The following NELFCD variants were observed in gnomAD, a reference collection of about 807,000 sequenced individuals.
NELFCD encodes negative elongation factor complex member C/D.
A neutral mutation model predicts 72.9 loss-of-function variants in NELFCD; 48 were observed. That is an observed-to-expected ratio of 0.66 (90% CI 0.52 to 0.84). The LOEUF is 0.84. Among genes scored for constraint, NELFCD ranks in the 40% least tolerant of loss-of-function variants. The pLI is 0.00. For synonymous variants in NELFCD, 297 were observed against 280.6 expected, an observed-to-expected ratio of 1.06 and a Z score of -0.59; for missense variants, 538 against 723.8, an observed-to-expected ratio of 0.74 and a Z score of 2.94.
At chr20:58,988,734 C>T (rs553484120) in intron 4 of NELFCD, among the ~76,000 whole-genome samples, 180 bp from the exon 5 acceptor site, 1 of 152,296 alleles carries the variant, frequency 6.6e-6, no homozygotes, top group African/African-American at 2.4e-5. Context: ...CATCTAGGGA[C>T]CTTTCTGTCA....
chr20:58,987,887 A>AGC, intron 4 of NELFCD, 70 bp downstream of exon 4: 1 of 1,132,598 alleles, frequency 8.8e-7, no homozygotes. Flanking sequence ...TGTACAGTGG[A>AGC]GCGTGGCATA....
At position 58,989,833 on chromosome 20, in the gene NELFCD, C is replaced by T. The variant is rs765558453; in HGVS notation, c.658-25C>T. On this transcript the variant is annotated intron_variant, in intron 6 of 14. Coordinates refer to ENST00000652272, the MANE Select transcript of NELFCD (RefSeq NM_198976.4). ...TCTGTGCTACAGTAGTAAACCCTGC[C>T]CCCTCTCTCCCTGCAATCTTGCAGA... 1.9e-6 allele frequency: 3 copies of T among 1,613,892 alleles called. No homozygotes were observed. In the East Asian group the frequency reaches 6.7e-5, roughly 36 times the overall value.
At chr20:58,984,078 C>T (rs563351131) in intron 1 of NELFCD, among the ~76,000 whole-genome samples, 35 of 152,180 alleles carry the variant, frequency 2.3e-4, no homozygotes, top group African/African-American at 7.7e-4. Context: ...AAATTCTGTT[C>T]GCCTGATGCC....
chr20:58,982,071 T>C (rs906604854), intron 1 of NELFCD, among the ~76,000 whole-genome samples: 6 of 150,184 alleles, frequency 4.0e-5, no homozygotes, highest in Non-Finnish European at 8.8e-5. Flanking sequence ...ATGATTGAAA[T>C]GTAGCTTCTC....
At chr20:58,991,124 G>C in intron 8 of NELFCD, 49 bp downstream of exon 8, 2 of 1,598,800 alleles carry the variant, frequency 1.3e-6, no homozygotes, top group South Asian at 2.2e-5. Context: ...AGGTGACTTT[G>C]GAAAGTCTGT....
intron 4 of NELFCD, chr20:58,988,072 C>A (rs377294432): frequency 4.2e-6 from 2 of 470,916 alleles, no homozygotes; most frequent in East Asian, 3.9e-5. Context: ...TTTCCCCTCT[C>A]AGGCTGACTC....
In NELFCD at chr20:58,993,285, T is replaced by G; in HGVS notation, c.1345-164T>G. 1 of 820,288 alleles carries G rather than the reference T, an allele frequency of 1.2e-6. No individual in the cohort carries two copies. The highest frequency in any genetic ancestry group is 1.7e-5 in the South Asian group (1 of 57,182). 50.8% of individuals were successfully genotyped at this position (820,288 alleles called of 1,614,324 possible). A position where few individuals can be genotyped will look rare whatever the true frequency, so the allele number is the denominator to read the frequency against. On this transcript the variant is annotated intron_variant, in intron 11 of 14. Coordinates refer to ENST00000652272, the MANE Select transcript of NELFCD (RefSeq NM_198976.4). This position sits in a 1 kb window ranked among gnomAD's most constrained non-coding sequence, Gnocchi z 5.0. The stretch of plus-strand genomic sequence containing the variant: ...CCTAGCTTCATTGACTGCAGAAATT[T>G]CTTAACCTCAGTCAAGTGTTACTGG...
Position 58,986,485 on chromosome 20 carries a change from G to A in NELFCD, c.177-269G>A, listed in dbSNP as rs529009516. ...GCCTTGCAAGGTGGCCACCACAGGC[G>A]TCTGCCATCATGCCTGGCTATTTTT... On this transcript the variant is annotated intron_variant, in intron 2 of 14. Coordinates refer to ENST00000652272, the MANE Select transcript of NELFCD (RefSeq NM_198976.4). This position sits in a 1 kb window ranked among gnomAD's most constrained non-coding sequence, Gnocchi z 4.4. The A allele has an allele frequency of 7.6e-5, 42 of 555,042 alleles. No individual in the cohort carries two copies. Among genetic ancestry groups the A allele is most frequent in the Non-Finnish European group, 9.8e-5 (31 of 317,146 alleles). 34.4% of individuals were successfully genotyped at this position (555,042 alleles called of 1,614,324 possible).
rs1026408170 is a variant in NELFCD, at chr20:58,991,170, C to G, written c.954+95C>G. 2.5e-4 allele frequency: 390 copies of G among 1,546,534 alleles called. 1 individual carries two copies. Among genetic ancestry groups the G allele is most frequent in the Non-Finnish European group, 7.0e-5 (79 of 1,129,224 alleles). On this transcript the variant is annotated intron_variant, in intron 8 of 14. Coordinates refer to ENST00000652272, the MANE Select transcript of NELFCD (RefSeq NM_198976.4). ...TTGTCTGAAGGCTGTGAATGCAAAT[C>G]CATCATTGTCCTGGTCCTTCCTCAG...
Position 58,990,939 on chromosome 20 carries a change from C to T in NELFCD, c.818C>T (p.Ala273Val). The T allele has an allele frequency of 6.2e-7, 1 of 1,614,176 alleles. No individual in the cohort carries two copies. The highest frequency in any genetic ancestry group is 8.5e-7 in the Non-Finnish European group (1 of 1,180,020). The change falls in exon 8 of 15, where the codon GCC (alanine) becomes GTC (valine). Residue 273 changes from alanine (A) to valine (V), a missense_variant. Ala to Val is a moderately conservative substitution (Grantham distance 64). Coordinates refer to ENST00000652272, the MANE Select transcript of NELFCD (RefSeq NM_198976.4). ...CATGACGCCAGTCAGATCACACTAGCCTTGGGCACAGCTGCCTCCTACCCC... is the reference window on the plus strand; with the variant it reads ...CATGACGCCAGTCAGATCACACTAGTCTTGGGCACAGCTGCCTCCTACCCC... ...KGHDASQITL[A>V]LGTAASYPRA...
intron 4 of NELFCD, 127 bp downstream of exon 4, chr20:58,987,944 C>T (rs1041453976): frequency 4.3e-6 from 3 of 703,228 alleles, no homozygotes; most frequent in Non-Finnish European, 7.3e-6. Flanking sequence ...GAGTGTGAGA[C>T]AGAAGTTGCA....
At chr20:58,989,809 CTG>C in intron 6 of NELFCD, 47 bp from the exon 7 acceptor site, 1 of 1,612,996 alleles carries the variant, frequency 6.2e-7, no homozygotes, top group East Asian at 2.2e-5. Flanking sequence ...GTCCGCCCGT[CTG>C]TGCTACAGTA....
In NELFCD at chr20:58,986,095, GGAGGATGATTCTGGAGAAGGA is replaced by G; in HGVS notation, c.73_93del (p.Ser25_Asp31del). On this transcript the variant is annotated inframe_deletion, in exon 2 of 15. Coordinates refer to ENST00000652272, the MANE Select transcript of NELFCD (RefSeq NM_198976.4). The surrounding 1 kb of genome is among the most constrained non-coding windows in gnomAD (Gnocchi z 4.4). ...TGGCTCTTCGCATTTACCAACAGCA[GGAGGATGATTCTGGAGAAGGA>G]GAGGATGATGCGGAGGTTCAGCAAG... is the stretch of plus-strand genomic sequence containing the variant. The G allele has an allele frequency of 6.2e-7, 1 of 1,608,914 alleles. No individual in the cohort carries two copies. Among genetic ancestry groups the G allele is most frequent in the Non-Finnish European group, 8.5e-7 (1 of 1,175,206 alleles).
Position 58,989,660 on chromosome 20 carries a change from A to G in NELFCD, c.657+20A>G. On this transcript the variant is annotated intron_variant, in intron 6 of 14. Coordinates refer to ENST00000652272, the MANE Select transcript of NELFCD (RefSeq NM_198976.4). ...TTTGCCGTAAGTTCTTTCTTTATGA[A>G]CCTCAGATTAGAAGGAGGCTGCTTT... The G allele has an allele frequency of 6.2e-7, 1 of 1,614,064 alleles. No homozygotes were observed.
chr20:58,988,804 C>G, intron 4 of NELFCD, 110 bp from the exon 5 acceptor site: 2 of 755,970 alleles, frequency 2.6e-6, no homozygotes, highest in South Asian at 1.6e-5. Context: ...ACTAGATGCC[C>G]ATGGGGAGTC....
intron 1 of NELFCD, among the ~76,000 whole-genome samples, chr20:58,984,079 G>A (rs1292473190): frequency 2.0e-5 from 3 of 152,134 alleles, no homozygotes; most frequent in African/African-American, 7.2e-5. Flanking sequence ...AATTCTGTTC[G>A]CCTGATGCCA....
Position 58,993,185 on chromosome 20 carries a change from C to T in NELFCD, c.1344+73C>T. ...GCTGTTTACGTTGGCATTAACATTG[C>T]ATCTATTCAGTGAGTTTAGAGGATA... On this transcript the variant is annotated intron_variant, in intron 11 of 14. Coordinates refer to ENST00000652272, the MANE Select transcript of NELFCD (RefSeq NM_198976.4). This position sits in a 1 kb window ranked among gnomAD's most constrained non-coding sequence, Gnocchi z 5.0. 2.6e-6 allele frequency: 3 copies of T among 1,136,280 alleles called. No individual in the cohort carries two copies. In the South Asian group the frequency reaches 3.7e-5, roughly 14 times the overall value. 70.4% of individuals were successfully genotyped at this position (1,136,280 alleles called of 1,614,324 possible). A position where few individuals can be genotyped will look rare whatever the true frequency, so the allele number is the denominator to read the frequency against.
chr20:58,993,203 A>G lies in NELFCD; in HGVS notation c.1344+91A>G. Reference sequence around the variant, plus strand: ...AACATTGCATCTATTCAGTGAGTTTAGAGGATACTCTTCTCAAAAATAGTT... The same window carrying G: ...AACATTGCATCTATTCAGTGAGTTTGGAGGATACTCTTCTCAAAAATAGTT... On this transcript the variant is annotated intron_variant, in intron 11 of 14. Transcript: ENST00000652272. This position sits in a 1 kb window ranked among gnomAD's most constrained non-coding sequence, Gnocchi z 5.0. 1 of 1,017,690 alleles carries G rather than the reference A, an allele frequency of 9.8e-7. No homozygotes were observed. Among genetic ancestry groups the G allele is most frequent in the Non-Finnish European group, 1.5e-6 (1 of 648,570 alleles). 63.0% of individuals were successfully genotyped at this position (1,017,690 alleles called of 1,614,324 possible).
chr20:58,989,415 A>G (rs536217015), intron 5 of NELFCD, 73 bp from the exon 6 acceptor site: 27 of 1,567,578 alleles, frequency 1.7e-5, no homozygotes, highest in African/African-American at 1.6e-4. Flanking sequence ...CACCATGAAC[A>G]CTGACAAGCC....
Sources: allele counts gnomAD v4.1 joint callset (sites outside exome capture counted in the v4.1 genomes callset), GRCh38; gene constraint gnomAD v4.1.1; non-coding constraint Gnocchi (gnomAD v3.1); transcripts MANE v1.5; gene names NCBI Gene and HGNC (gene_info 2026-07-23, HGNC 2026-07-21).